CARS1: variants seen among roughly 807,000 people sequenced by gnomAD.
CARS1 encodes the protein cysteine--tRNA ligase, cytoplasmic.
CARS1 carries 48 observed loss-of-function variants against 106.2 expected under a neutral mutation model. That is an observed-to-expected ratio of 0.45 (90% confidence interval 0.36 to 0.57). The LOEUF is 0.57. Ranked by LOEUF, CARS1 falls within the 20% of genes least tolerant of loss-of-function variation. CARS1 has a pLI of 0.00. For missense variants in CARS1, 968 were observed against 1,057.2 expected (o/e 0.92, Z 1.17); for synonymous variants, 409 against 403.4 (o/e 1.01, Z -0.17).
At chr11:3,055,901 G>C (rs534846266) in intron 1 of CARS1, among the ~76,000 whole-genome samples, 285 of 152,294 alleles carry the variant, frequency 1.9e-3, no homozygotes, top group Non-Finnish European at 3.0e-3. Flanking sequence ...ATGGTTTGCT[G>C]TGGGGCGGGA....
At position 3,039,372 on chromosome 11, in the gene CARS1, G is replaced by T; in HGVS notation, c.553-80C>A. On this transcript the variant is annotated intron_variant, in intron 5 of 22. Coordinates refer to ENST00000380525, the MANE Select transcript of CARS1 (RefSeq NM_001014437.3). This position sits in a 1 kb window ranked among gnomAD's most constrained non-coding sequence, Gnocchi z 5.6. ...TCTGCAGCAGGCCACTCTCTCCCTT[G>T]GCCAACTCTAAGTGAGGGTGAGGGT... 1 of 881,082 alleles carries T rather than the reference G, an allele frequency of 1.1e-6. No homozygotes were observed. The highest frequency in any genetic ancestry group is 1.6e-5 in the African/African-American group (1 of 60,792). The allele number at this position is 881,082 out of a possible 1,614,324, so 54.6% of individuals were successfully genotyped here. A position where few individuals can be genotyped will look rare whatever the true frequency, so the allele number is the denominator to read the frequency against.
chr11:3,017,430 G>C lies in CARS1; in HGVS notation c.1728-135C>G, dbSNP rs977538841. On this transcript the variant is annotated intron_variant, in intron 15 of 22. Transcript: ENST00000380525. This position sits in a 1 kb window ranked among gnomAD's most constrained non-coding sequence, Gnocchi z 4.9. ...GGCTGAGGTGGGCGGATCACCTGAG[G>C]TCGGGAGTTCGAGACCAGCCTGACA... 1.4e-6 allele frequency: 1 copy of C among 706,944 alleles called. No homozygotes were observed. Among genetic ancestry groups the C allele is most frequent in the Non-Finnish European group, 2.4e-6 (1 of 421,386 alleles). 43.8% of individuals were successfully genotyped at this position (706,944 alleles called of 1,614,324 possible).
At position 3,045,304 on chromosome 11, in the gene CARS1, A is replaced by G. The variant is rs1260596273; in HGVS notation, c.274+2449T>C. 1.3e-5 allele frequency among the ~76,000 whole-genome samples: 2 copies of G among 151,864 alleles called. No homozygotes were observed. Among genetic ancestry groups the G allele is most frequent in the East Asian group, 1.9e-4 (1 of 5,162 alleles). ...CCCCGAGACGGAGTCTCGCTCTGTC[A>G]CCTAGGCTGGAGTACAGTGGCACGA... is the stretch of plus-strand genomic sequence containing the variant. On this transcript the variant is annotated intron_variant, in intron 2 of 22. Coordinates refer to ENST00000380525, the MANE Select transcript of CARS1 (RefSeq NM_001014437.3). The surrounding 1 kb of genome is among the most constrained non-coding windows in gnomAD (Gnocchi z 5.6).
At chr11:3,001,615 C>T (rs551369363) in intron 22 of CARS1, among the ~76,000 whole-genome samples, 62 of 152,318 alleles carry the variant, frequency 4.1e-4, no homozygotes, top group African/African-American at 1.4e-3. Context: ...GGCTGTGAAT[C>T]GCTATGACAA....
chr11:3,013,930 G>A (rs1242323121), intron 17 of CARS1, among the ~76,000 whole-genome samples: 2 of 152,202 alleles, frequency 1.3e-5, no homozygotes, highest in East Asian at 1.9e-4. Flanking sequence ...TGGCATGGGC[G>A]ACAGAGTGAG....
rs747355608 is a variant in CARS1, at chr11:3,041,944, G to A, written c.366+221C>T. On this transcript the variant is annotated intron_variant, in intron 3 of 22. Transcript: ENST00000380525. This position sits in a 1 kb window ranked among gnomAD's most constrained non-coding sequence, Gnocchi z 4.9. ...AAGTCATGGGCAGGCTTCCACATGA[G>A]GCATGATACTTCACGTGTCTGGGTT... 1.3e-5 allele frequency among the ~76,000 whole-genome samples: 2 copies of A among 152,212 alleles called. No homozygotes were observed. The highest frequency in any genetic ancestry group is 2.9e-5 in the Non-Finnish European group (2 of 68,042).
At chr11:3,047,364 T>C (rs545032956) in intron 2 of CARS1, among the ~76,000 whole-genome samples, 2 of 151,908 alleles carry the variant, frequency 1.3e-5, no homozygotes, top group East Asian at 1.9e-4. Flanking sequence ...GCTACAATCT[T>C]ATGGAAGAAA....
rs1855797637 is a variant in CARS1 at position 3,052,477 on chromosome 11, C to T, written c.26-4476G>A. On this transcript the variant is annotated intron_variant, in intron 1 of 22. Coordinates refer to ENST00000380525, the MANE Select transcript of CARS1 (RefSeq NM_001014437.3). This position sits in a 1 kb window ranked among gnomAD's most constrained non-coding sequence, Gnocchi z 4.6. ...TTTCCTGGAGTTTTCCTAGGGCTCA[C>T]ACACCCATTTTTATTTAATTAATTT... Among the ~76,000 whole-genome samples the T allele has an allele frequency of 1.3e-5, 2 of 152,216 alleles. No homozygotes were observed. The highest frequency in any genetic ancestry group is 1.3e-4 in the Admixed American group (2 of 15,282).
chr11:3,047,119 T>G (rs1353092965), intron 2 of CARS1, among the ~76,000 whole-genome samples: 1 of 151,508 alleles, frequency 6.6e-6, no homozygotes, highest in Non-Finnish European at 1.5e-5. Context: ...CTACTAAAAA[T>G]ACAAAAAATT....
chr11:3,002,381 C>A (rs1849472766), intron 21 of CARS1, 160 bp downstream of exon 21: 1 of 1,372,838 alleles, frequency 7.3e-7, no homozygotes, highest in African/African-American at 1.4e-5. Context: ...GTGAGAAGGG[C>A]CTGGCAGGCC....
chr11:3,055,262 A>T (rs1856085329), intron 1 of CARS1, among the ~76,000 whole-genome samples: 1 of 152,038 alleles, frequency 6.6e-6, no homozygotes, highest in Non-Finnish European at 1.5e-5. Flanking sequence ...CTGGGTTCAC[A>T]TCATTCTCCG....
rs1254966890 is a variant in CARS1 at position 3,019,757 on chromosome 11, C to A, written c.1266+463G>T. ...AGCCTTCTTTGGTGAAGTTCATAAACCGGTCCTATGTGGGCCGAGGTTTAG... is the reference window on the plus strand; with the variant it reads ...AGCCTTCTTTGGTGAAGTTCATAAAACGGTCCTATGTGGGCCGAGGTTTAG... On this transcript the variant is annotated intron_variant, in intron 11 of 22. Coordinates refer to ENST00000380525, the MANE Select transcript of CARS1 (RefSeq NM_001014437.3). The surrounding 1 kb of genome is among the most constrained non-coding windows in gnomAD (Gnocchi z 6.2). 1.3e-5 allele frequency among the ~76,000 whole-genome samples: 2 copies of A among 151,812 alleles called. No individual in the cohort carries two copies. The highest frequency in any genetic ancestry group is 1.5e-5 in the Non-Finnish European group (1 of 67,980).
Position 3,039,704 on chromosome 11 carries a change from G to T in CARS1, c.552+131C>A. The stretch of plus-strand genomic sequence containing the variant: ...AAGTGGTAATATTAACTCACTGAGG[G>T]GATTAAAATGATGTTTATCAGGTGA... On this transcript the variant is annotated intron_variant, in intron 5 of 22. Coordinates refer to ENST00000380525, the MANE Select transcript of CARS1 (RefSeq NM_001014437.3). This position sits in a 1 kb window ranked among gnomAD's most constrained non-coding sequence, Gnocchi z 5.6. The T allele has an allele frequency of 1.7e-6, 1 of 573,116 alleles. No homozygotes were observed. The allele number at this position is 573,116 out of a possible 1,614,324, so 35.5% of individuals were successfully genotyped here. A position where few individuals can be genotyped will look rare whatever the true frequency, so the allele number is the denominator to read the frequency against.
chr11:3,047,003 C>T (rs756068257), intron 2 of CARS1, among the ~76,000 whole-genome samples: 4 of 152,086 alleles, frequency 2.6e-5, no homozygotes, highest in Non-Finnish European at 5.9e-5. Flanking sequence ...GCCGGCCGGG[C>T]GCGGTGGTTC....
At chr11:3,036,521 A>G (rs570021755) in intron 7 of CARS1, among the ~76,000 whole-genome samples, 14 of 152,366 alleles carry the variant, frequency 9.2e-5, no homozygotes, top group African/African-American at 3.4e-4. Flanking sequence ...AAAATGAAGA[A>G]TAACAAGCTT....
rs1483439814 is a variant in CARS1 at position 3,026,782 on chromosome 11, C to T, written c.1047G>A (p.Gly349=). The T allele has an allele frequency of 1.2e-6, 2 of 1,612,478 alleles. No individual in the cohort carries two copies. Among genetic ancestry groups the T allele is most frequent in the Non-Finnish European group, 1.7e-6 (2 of 1,179,190 alleles). Residue 349 remains glycine, a synonymous_variant, in exon 10 of 23, where the codon GGG becomes GGA. Coordinates refer to ENST00000380525, the MANE Select transcript of CARS1 (RefSeq NM_001014437.3). ...ACTTCGCTGTATCAAAGTAGACAGA[C>T]CCATTGGAGACATAGCTGGAAAACA... ...VDNGYGYVSN[G]SVYFDTAKFA...
chr11:3,012,582 G>A (rs1020634884), intron 17 of CARS1, among the ~76,000 whole-genome samples: 1 of 152,246 alleles, frequency 6.6e-6, no homozygotes, highest in Non-Finnish European at 1.5e-5. Context: ...CCTCAGGTCA[G>A]ACACGCTGCT....
At position 3,057,323 on chromosome 11, in the gene CARS1, G is replaced by C. The variant is rs1159762259; in HGVS notation, c.25+20C>G. 2 of 1,606,054 alleles carry C rather than the reference G, an allele frequency of 1.2e-6. No homozygotes were observed. The highest frequency in any genetic ancestry group is 2.2e-5 in the South Asian group (2 of 90,486). On this transcript the variant is annotated intron_variant, in intron 1 of 22. Transcript: ENST00000380525. Reference sequence around the variant, plus strand: ...TCAGGCCCCCAGCCGCCCTCAGCCTGGCCCGGCCGCGCCGCTCACCCTGCT... The same window carrying C: ...TCAGGCCCCCAGCCGCCCTCAGCCTCGCCCGGCCGCGCCGCTCACCCTGCT...
At chr11:3,032,346 CA>C (rs756677417) in intron 7 of CARS1, among the ~76,000 whole-genome samples, 1 of 152,014 alleles carries the variant, frequency 6.6e-6, no homozygotes, top group Admixed American at 6.6e-5. Flanking sequence ...GCTGGGAGTT[CA>C]GGCGTGAGCC....
Sources: allele counts gnomAD v4.1 joint callset (sites outside exome capture counted in the v4.1 genomes callset), GRCh38; gene constraint gnomAD v4.1.1; non-coding constraint Gnocchi (gnomAD v3.1); transcripts MANE v1.5; gene names NCBI Gene and HGNC (gene_info 2026-07-23, HGNC 2026-07-21).